RTCA: variants seen among roughly 807,000 people sequenced by gnomAD.
RTCA encodes RNA 3'-terminal phosphate cyclase, also known as RNA terminal phosphate cyclase domain 1.
A neutral mutation model predicts 46.1 loss-of-function variants in RTCA; 37 were observed. The observed-to-expected ratio is 0.80, with a 90% CI of 0.62 to 1.06. The LOEUF is 1.06. RTCA is among the 50% of genes least tolerant of loss of function. The pLI is 0.00. For synonymous variants in RTCA, 164 were observed against 158.3 expected (o/e 1.04, Z -0.27); for missense variants, 435 against 455.5 (o/e 0.95, Z 0.41).
rs927058964 is a variant in RTCA, at chr1:100,287,310, G to A, written c.999+107G>A. ...AATAGTAATCATAATTGCTATCACT[G>A]TTTCCTGTGTGACAGGCACTGAGCT... On this transcript the variant is annotated intron_variant, in intron 10 of 10. Transcript: ENST00000370128. The A allele has an allele frequency of 4.3e-6, 3 of 695,538 alleles. No individual in the cohort carries two copies. The African/African-American group carries it at 5.7e-5, about 13-fold the overall frequency. 43.1% of individuals were successfully genotyped at this position (695,538 alleles called of 1,614,324 possible).
chr1:100,284,561 A>G (rs1666920993), intron 8 of RTCA, among the ~76,000 whole-genome samples: 1 of 151,980 alleles, frequency 6.6e-6, no homozygotes, highest in African/African-American at 2.4e-5. Context: ...GCCCAGCTAA[A>G]TTTTGTATTT....
At chr1:100,282,486 G>A (rs1334234457) in intron 8 of RTCA, among the ~76,000 whole-genome samples, 1 of 152,012 alleles carries the variant, frequency 6.6e-6, no homozygotes, top group African/African-American at 2.4e-5. Context: ...AACTCCTGTC[G>A]GGTATATAGT....
rs184849737 is a variant in RTCA at position 100,270,795 on chromosome 1, T to C, written c.414+115T>C. 9.5e-6 allele frequency: 12 copies of C among 1,269,348 alleles called. No individual in the cohort carries two copies. In the Admixed American group the frequency reaches 2.1e-4, roughly 22 times the overall value. 78.6% of individuals were successfully genotyped at this position (1,269,348 alleles called of 1,614,324 possible). A position where few individuals can be genotyped will look rare whatever the true frequency, so the allele number is the denominator to read the frequency against. ...GACTTTCTTGTTTATCTCTTCATGG[T>C]GTCTTTTCTTTCTTTCTTTCTTTTT... is the stretch of plus-strand genomic sequence containing the variant. On this transcript the variant is annotated intron_variant, in intron 4 of 10. Coordinates refer to ENST00000370128, the MANE Select transcript of RTCA (RefSeq NM_003729.4).
At chr1:100,276,670 C>T (rs961510446) in intron 7 of RTCA, among the ~76,000 whole-genome samples, 1 of 151,886 alleles carries the variant, frequency 6.6e-6, no homozygotes, top group Non-Finnish European at 1.5e-5. Context: ...AGCGAGACTC[C>T]ATCTCAAAAA....
At chr1:100,267,651 G>GTTTTTTT in intron 2 of RTCA, 3 of 810,916 alleles carry the variant, frequency 3.7e-6, no homozygotes, top group African/African-American at 1.8e-5. Context: ...GTATGTTCTA[G>GTTTTTTT]TTTTTTTTTT....
chr1:100,280,503 T>A (rs1666649293), intron 8 of RTCA, among the ~76,000 whole-genome samples: 1 of 152,168 alleles, frequency 6.6e-6, no homozygotes, highest in African/African-American at 2.4e-5. Flanking sequence ...GAGAGCAACA[T>A]GCCTGCTGAG....
chr1:100,287,719 G>C (rs1667100530), intron 10 of RTCA, among the ~76,000 whole-genome samples: 1 of 151,866 alleles, frequency 6.6e-6, no homozygotes, highest in African/African-American at 2.4e-5. Flanking sequence ...AAATTTAGTA[G>C]AGTTGACGTA....
chr1:100,268,796 C>G (rs930901208), intron 3 of RTCA, among the ~76,000 whole-genome samples: 4 of 152,122 alleles, frequency 2.6e-5, no homozygotes, highest in African/African-American at 9.7e-5. Context: ...AAAGATCTGT[C>G]TTTTGATAGC....
chr1:100,267,114 T>G, intron 2 of RTCA: 1 of 227,416 alleles, frequency 4.4e-6, no homozygotes, highest in Non-Finnish European at 8.6e-6. Context: ...AATTATCTGT[T>G]GTGGAGAGGG....
chr1:100,270,220 AT>A (rs1271950679), intron 3 of RTCA, among the ~76,000 whole-genome samples: 15 of 151,826 alleles, frequency 9.9e-5, no homozygotes, highest in Admixed American at 2.0e-4. Context: ...TTTATTTTTA[AT>A]TTTTTTTCTT....
chr1:100,277,128 A>C, intron 7 of RTCA, 130 bp from the exon 8 acceptor site: 1 of 788,454 alleles, frequency 1.3e-6, no homozygotes. Flanking sequence ...TATATGAAGA[A>C]TTTTTACTTT....
chr1:100,276,639 T>C (rs1388136302), intron 7 of RTCA, among the ~76,000 whole-genome samples: 1 of 152,140 alleles, frequency 6.6e-6, no homozygotes, highest in Non-Finnish European at 1.5e-5. Context: ...ATCACACCAC[T>C]GCACTCCAGC....
intron 8 of RTCA, among the ~76,000 whole-genome samples, chr1:100,281,755 C>T (rs925430791): frequency 1.3e-4 from 20 of 150,878 alleles, no homozygotes; most frequent in African/African-American, 2.2e-4. Context: ...CTTGCTTTGT[C>T]GCCCAGGCTA....
chr1:100,271,497 T>C (rs1666090338), intron 4 of RTCA, among the ~76,000 whole-genome samples: 1 of 152,122 alleles, frequency 6.6e-6, no homozygotes, highest in Non-Finnish European at 1.5e-5. Context: ...GAGTGTGATA[T>C]AAATTATATC....
rs1557975369 is a variant in RTCA at position 100,274,923 on chromosome 1, GAT to G, written c.578_579del (p.Tyr193TrpfsTer12). 1.2e-6 allele frequency: 2 copies of G among 1,612,506 alleles called. No individual in the cohort carries two copies. Among genetic ancestry groups the G allele is most frequent in the Admixed American group, 3.3e-5 (2 of 59,980 alleles). ...TAACTGAGCGTGGCTGTGTGACTAA[GAT>G]ATATGGAAGAGCTTTCGTTGCTGGT... is the stretch of plus-strand genomic sequence containing the variant. ...NLTERGCVTK[I>X]YGRAFVAGVL... On this transcript the variant is annotated frameshift_variant, in exon 6 of 11. Coordinates refer to ENST00000370128, the MANE Select transcript of RTCA (RefSeq NM_003729.4). LOFTEE classifies it high-confidence loss of function.
At chr1:100,269,459 A>C (rs1443632388) in intron 3 of RTCA, among the ~76,000 whole-genome samples, 1 of 150,150 alleles carries the variant, frequency 6.7e-6, no homozygotes, top group African/African-American at 2.5e-5. Context: ...CGATTCTCCT[A>C]AAGTGCTGAG....
Position 100,291,533 on chromosome 1 carries a change from T to C in RTCA, c.*29T>C, listed in dbSNP as rs1667353822. The C allele has an allele frequency of 8.0e-7, 1 of 1,252,808 alleles. No individual in the cohort carries two copies. The highest frequency in any genetic ancestry group is 1.2e-6 in the Non-Finnish European group (1 of 864,700). 77.6% of individuals were successfully genotyped at this position (1,252,808 alleles called of 1,614,324 possible). A position where few individuals can be genotyped will look rare whatever the true frequency, so the allele number is the denominator to read the frequency against. On this transcript the variant is annotated 3_prime_UTR_variant, in exon 11 of 11. Coordinates refer to ENST00000370128, the MANE Select transcript of RTCA (RefSeq NM_003729.4). ...ATTTGCCTCTTAAATGATACCTCAT[T>C]GATATATTGCACTATTTCATAAATA... is the stretch of plus-strand genomic sequence containing the variant.
rs1257710989 is a variant in RTCA, at chr1:100,266,622, G to C, written c.144G>C (p.Leu48=). 2.5e-6 allele frequency: 4 copies of C among 1,609,842 alleles called. No individual in the cohort carries two copies. The highest frequency in any genetic ancestry group is 3.4e-6 in the Non-Finnish European group (4 of 1,177,622). Residue 48 remains leucine (L), a splice_region_variant and synonymous_variant, in exon 2 of 11, where the codon CTG becomes CTC. Transcript: ENST00000370128. Reference sequence around the variant, plus strand: ...GAGCCGGCCGGAGCACGCCAGGCCTGAGGTAAATCTGGCTGGAGGGGGAGT... The same window carrying C: ...GAGCCGGCCGGAGCACGCCAGGCCTCAGGTAAATCTGGCTGGAGGGGGAGT... ...KIRAGRSTPG[L]RPQHLSGLEM...
At chr1:100,287,773 T>G (rs1352113060) in intron 10 of RTCA, among the ~76,000 whole-genome samples, 4 of 150,388 alleles carry the variant, frequency 2.7e-5, no homozygotes, top group Non-Finnish European at 4.4e-5. Flanking sequence ...GAGCTCATAT[T>G]CATACCTTTC....
Sources: gnomAD v4.1 joint callset for allele counts (sites outside exome capture counted in the v4.1 genomes callset) on GRCh38, gnomAD v4.1.1 for gene constraint, MANE v1.5 for transcripts, NCBI Gene and HGNC (gene_info 2026-07-23, HGNC 2026-07-21) for gene names.